The following ANKRD36C variants were observed in gnomAD, a reference collection of about 807,000 sequenced individuals.
ANKRD36C encodes ankyrin repeat domain-containing protein 36C.
ANKRD36C carries 61 observed loss-of-function variants against 276.4 expected under a neutral mutation model. The ratio of observed to expected loss-of-function variants is 0.22; its 90% CI spans 0.18 to 0.27. The LOEUF is 0.27. ANKRD36C is among the 10% of genes least tolerant of loss of function. ANKRD36C has a pLI of 1.00. For missense variants in ANKRD36C, 1,447 were observed against 2,032.3 expected, an observed-to-expected ratio of 0.71 and a Z score of 5.54; for synonymous variants, 483 against 680.1, an observed-to-expected ratio of 0.71 and a Z score of 4.51.
At chr2:95,892,470 T>A (rs1676400463) in intron 44 of ANKRD36C, among the ~76,000 whole-genome samples, 1 of 151,542 alleles carries the variant, frequency 6.6e-6, no homozygotes, top group Admixed American at 6.6e-5. Context: ...TGCCTAAGTT[T>A]CTTCTATCCA....
intron 59 of ANKRD36C, among the ~76,000 whole-genome samples, chr2:95,871,123 C>A (rs1675801482): frequency 6.6e-6 from 1 of 152,154 alleles, no homozygotes; most frequent in African/African-American, 2.4e-5. Context: ...TTTCCCCAAT[C>A]TAGCAAGGCA....
In ANKRD36C at chr2:95,920,177, T is replaced by G; in HGVS notation, c.2245+1430A>C. On this transcript the variant is annotated intron_variant, in intron 34 of 66. Transcript: ENST00000456556. ...CGTCAAAAACTAAAATAAAACCGTG[T>G]CAATATCAACGTGGATATGCCGAGT... Among the ~76,000 whole-genome samples the G allele has an allele frequency of 1.5e-5, 2 of 132,514 alleles. 1 individual carries two copies. Among genetic ancestry groups the G allele is most frequent in the East Asian group, 5.4e-4 (2 of 3,684 alleles). The allele number at this position is 132,514 out of a possible 152,430, so 86.9% of individuals were successfully genotyped here.
Position 95,929,057 on chromosome 2 carries a change from G to A in ANKRD36C, c.1837+15C>T, listed in dbSNP as rs766737394. Reference sequence around the variant, plus strand: ...CTTGATTGAACATGACATTAGAAGTGTTTTGCAAAATTACCTGTCCCAGAT... The same window carrying A: ...CTTGATTGAACATGACATTAGAAGTATTTTGCAAAATTACCTGTCCCAGAT... On this transcript the variant is annotated intron_variant, in intron 26 of 66. Transcript: ENST00000456556. 2 of 1,602,064 alleles carry A rather than the reference G, an allele frequency of 1.2e-6. No individual in the cohort carries two copies. The highest frequency in any genetic ancestry group is 8.5e-7 in the Non-Finnish European group (1 of 1,177,836).
Position 95,960,621 on chromosome 2 carries a change from T to C in ANKRD36C, c.930+18A>G. 5 of 1,355,354 alleles carry C rather than the reference T, an allele frequency of 3.7e-6. No individual in the cohort carries two copies. Among genetic ancestry groups the C allele is most frequent in the Non-Finnish European group, 5.0e-6 (5 of 1,001,876 alleles). 84.0% of individuals were successfully genotyped at this position (1,355,354 alleles called of 1,614,324 possible). A position where few individuals can be genotyped will look rare whatever the true frequency, so the allele number is the denominator to read the frequency against. ...ACTATACAGTTAATTATTCAAAATA[T>C]GAATGAGAGTATAATACCTTCAAGG... On this transcript the variant is annotated intron_variant, in intron 9 of 66. Transcript: ENST00000456556.
chr2:95,984,681 TTA>T (rs1678993915), intron 3 of ANKRD36C, among the ~76,000 whole-genome samples: 1 of 152,108 alleles, frequency 6.6e-6, no homozygotes, highest in Non-Finnish European at 1.5e-5. Flanking sequence ...CATTTATAAT[TTA>T]TGTTTAATTT....
At chr2:95,862,995 C>T (rs1171468517) in intron 60 of ANKRD36C, among the ~76,000 whole-genome samples, 2 of 151,620 alleles carry the variant, frequency 1.3e-5, no homozygotes, top group African/African-American at 4.8e-5. Flanking sequence ...TTGAACCAGT[C>T]TATGGTATTT....
intron 54 of ANKRD36C, among the ~76,000 whole-genome samples, chr2:95,883,402 C>T (rs529908618): frequency 1.1e-4 from 16 of 152,192 alleles, no homozygotes; most frequent in Admixed American, 2.6e-4. Context: ...CATTAAATTG[C>T]TATTTTATCC....
At chr2:95,864,342 T>C (rs1675642861) in intron 60 of ANKRD36C, among the ~76,000 whole-genome samples, 1 of 151,770 alleles carries the variant, frequency 6.6e-6, no homozygotes. Flanking sequence ...AGGCATCTGA[T>C]AAAATTTACT....
chr2:95,896,494 T>C (rs1020029216), intron 44 of ANKRD36C, among the ~76,000 whole-genome samples: 8 of 149,940 alleles, frequency 5.3e-5, no homozygotes, highest in Non-Finnish European at 1.2e-4. Flanking sequence ...TAAATAGCTA[T>C]TTTATCCAAG....
chr2:95,849,392 G>A (rs1275536631), downstream of ANKRD36C, among the ~76,000 whole-genome samples: 3 of 152,144 alleles, frequency 2.0e-5, no homozygotes, highest in Non-Finnish European at 4.4e-5. Flanking sequence ...TTAAAACTAG[G>A]TATTGATTTA....
chr2:95,926,995 G>T lies in ANKRD36C; in HGVS notation c.1939+219C>A, dbSNP rs182127102. On this transcript the variant is annotated intron_variant, in intron 28 of 66. Transcript: ENST00000456556. Reference sequence around the variant, plus strand: ...CTTTTGTCTTTAATGGCTCTCCAACGTTTATTCTTCCCAATTTCAATGTGG... The same window carrying T: ...CTTTTGTCTTTAATGGCTCTCCAACTTTTATTCTTCCCAATTTCAATGTGG... 1.5e-3 allele frequency among the ~76,000 whole-genome samples: 231 copies of T among 151,628 alleles called. 1 individual carries two copies. The highest frequency in any genetic ancestry group is 5.2e-3 in the African/African-American group (215 of 41,468).
At chr2:95,951,378 T>C in exon 15 of ANKRD36C, 2 of 1,502,720 alleles carry the variant, frequency 1.3e-6, no homozygotes, top group South Asian at 1.2e-5. Context: ...GAAATAATCT[T>C]TCTCTTTGGG....
At position 95,906,517 on chromosome 2, in the gene ANKRD36C, T is replaced by C. The variant is rs1489703009; in HGVS notation, c.2653+5727A>G. ...AAGAACTTATTAGAAATGAAGAATC[T>C]CAGGCCTACTGAATCAGAATGTGCA... On this transcript the variant is annotated intron_variant, in intron 42 of 66. Transcript: ENST00000456556. The C allele has an allele frequency of 7.1e-6, 2 of 282,094 alleles. 1 individual carries two copies. The highest frequency in any genetic ancestry group is 1.3e-5 in the Non-Finnish European group (2 of 152,382). The allele number at this position is 282,094 out of a possible 1,614,324, so 17.5% of individuals were successfully genotyped here. A position where few individuals can be genotyped will look rare whatever the true frequency, so the allele number is the denominator to read the frequency against.
chr2:95,978,188 T>C (rs1391251427), exon 6 of ANKRD36C: 17 of 1,044,102 alleles, frequency 1.6e-5, no homozygotes, highest in Non-Finnish European at 2.3e-5. Context: ...AGTTCAAAAA[T>C]GCTATGCATA....
chr2:95,850,138 T>A (rs1329433852), downstream of ANKRD36C, among the ~76,000 whole-genome samples: 1 of 152,306 alleles, frequency 6.6e-6, no homozygotes, highest in Non-Finnish European at 1.5e-5. Context: ...AAATATAATT[T>A]GCCCATAGTT....
Position 95,980,832 on chromosome 2 carries a change from G to A in ANKRD36C, c.594-47C>T, listed in dbSNP as rs60400346. 10 of 1,543,032 alleles carry A rather than the reference G, an allele frequency of 6.5e-6. No individual in the cohort carries two copies. In the Middle Eastern group the frequency reaches 6.9e-4, roughly 106 times the overall value. On this transcript the variant is annotated intron_variant, in intron 4 of 66. Coordinates refer to ENST00000456556, the Ensembl canonical transcript of ANKRD36C. ...TAAAAACTTTAATGACATTTTAAAA[G>A]CTTAGTTTATATACTTTATCAACTT...
intron 13 of ANKRD36C, among the ~76,000 whole-genome samples, chr2:95,956,034 A>C (rs200692178): frequency 7.0e-6 from 1 of 143,360 alleles, no homozygotes; most frequent in African/African-American, 2.6e-5. Flanking sequence ...GAAGAATCCA[A>C]AAAATAAGAA....
intron 59 of ANKRD36C, among the ~76,000 whole-genome samples, chr2:95,872,951 C>A (rs1675850586): frequency 6.6e-6 from 1 of 152,168 alleles, no homozygotes; most frequent in Non-Finnish European, 1.5e-5. Flanking sequence ...CATACACCCT[C>A]CCAAGACTAA....
At chr2:95,915,905 C>T (rs1677078873) in intron 38 of ANKRD36C, 75 bp downstream of exon 40, 1 of 1,498,932 alleles carries the variant, frequency 6.7e-7, no homozygotes, top group Non-Finnish European at 9.0e-7. Context: ...TCGACCAGCC[C>T]CCCACTGATT....
Sources: gnomAD v4.1 joint callset for allele counts (sites outside exome capture counted in the v4.1 genomes callset) on GRCh38, gnomAD v4.1.1 for gene constraint, MANE v1.5 for transcripts, NCBI Gene and HGNC (gene_info 2026-07-23, HGNC 2026-07-21) for gene names.